CABP1: variants seen among roughly 807,000 people sequenced by gnomAD.
The protein encoded by CABP1 is calcium binding protein 1.
A neutral mutation model predicts 34.3 loss-of-function variants in CABP1; 17 were observed. That is an observed-to-expected ratio of 0.50 (90% CI 0.34 to 0.74). The LOEUF is 0.74. CABP1 is among the 30% of genes least tolerant of loss of function. CABP1 has a pLI of 0.01. For synonymous variants in CABP1, 198 were observed against 229.2 expected, an observed-to-expected ratio of 0.86 and a Z score of 1.23; for missense variants, 373 against 511.1, an observed-to-expected ratio of 0.73 and a Z score of 2.61.
the CABP1 span, among the ~76,000 whole-genome samples, chr12:120,677,380 G>A: frequency 1.4e-5 from 2 of 140,876 alleles, no homozygotes; most frequent in South Asian, 4.5e-4. Context: ...GAGCCACTAT[G>A]CCCAGCCTTC....
At position 120,641,319 on chromosome 12, in the gene CABP1, C is replaced by A; in HGVS notation, c.634C>A (p.Leu212Ile). The change falls in exon 1 of 6, where the codon CTC (leucine) becomes ATC (isoleucine). Residue 212 changes from leucine to isoleucine, a missense_variant. Physicochemically the swap from Leu to Ile is conservative, Grantham distance 5 (BLOSUM62 2). Coordinates refer to ENST00000316803, the MANE Select transcript of CABP1 (RefSeq NM_001033677.2). This position sits in a 1 kb window ranked among gnomAD's most constrained non-coding sequence, Gnocchi z 6.7. ...GTTCCTCCACCGGCTGCGCCCCATG[C>A]TCAGCTCCGCCTTTGGCCAGGTAAG... ...DPFLHRLRPM[L>I]SSAFGQDRSL... 7.5e-7 allele frequency: 1 copy of A among 1,326,550 alleles called. No individual in the cohort carries two copies. The highest frequency in any genetic ancestry group is 2.0e-5 in the South Asian group (1 of 49,396). The allele number at this position is 1,326,550 out of a possible 1,614,324, so 82.2% of individuals were successfully genotyped here.
At chr12:120,656,126 G>A (rs751335287) in intron 1 of CABP1, 9 of 1,614,072 alleles carry the variant, frequency 5.6e-6, no homozygotes, top group Non-Finnish European at 7.6e-6. Context: ...CTACATGGTG[G>A]TGCAGACGAG....
chr12:120,641,405 C>G lies in CABP1; in HGVS notation c.654+66C>G, dbSNP rs1034494790. 10 of 1,239,078 alleles carry G rather than the reference C, an allele frequency of 8.1e-6. No homozygotes were observed. The highest frequency in any genetic ancestry group is 1.0e-5 in the Non-Finnish European group (10 of 989,912). The allele number at this position is 1,239,078 out of a possible 1,614,324, so 76.8% of individuals were successfully genotyped here. ...CTCGGGACCCTGCCGGCCGCGGTTG[C>G]GCGTCCACAGCCTCCTCCCGCGGCC... On this transcript the variant is annotated intron_variant, in intron 1 of 5. Coordinates refer to ENST00000316803, the MANE Select transcript of CABP1 (RefSeq NM_001033677.2). This position sits in a 1 kb window ranked among gnomAD's most constrained non-coding sequence, Gnocchi z 6.7.
At chr12:120,669,603 A>G (rs1490700720), downstream of CABP1, among the ~76,000 whole-genome samples, 5 of 152,102 alleles carry the variant, frequency 3.3e-5, no homozygotes, top group Non-Finnish European at 5.9e-5. Flanking sequence ...AAAATACAAA[A>G]ATTAGCCAGG....
chr12:120,666,032 GAA>G (rs1391102886), intron 5 of CABP1, among the ~76,000 whole-genome samples: 2 of 132,380 alleles, frequency 1.5e-5, no homozygotes, highest in Non-Finnish European at 1.6e-5. Flanking sequence ...AAAAAAAAAA[GAA>G]AAGAGAGAGA....
the CABP1 span, among the ~76,000 whole-genome samples, chr12:120,677,190 C>T: frequency 6.8e-6 from 1 of 147,258 alleles, no homozygotes; most frequent in Non-Finnish European, 1.5e-5. Flanking sequence ...CGGGCTCAAG[C>T]GACTCTCCTG....
Position 120,660,753 on chromosome 12 carries a change from T to A in CABP1, c.852T>A (p.Asp284Glu), listed in dbSNP as rs751671065. Residue 284 changes from aspartate to glutamate, a missense_variant, in exon 4 of 6, where the codon GAT (aspartate) becomes GAA (glutamate). Around this residue, in one of 4 missense-constraint regions of CABP1, gnomAD observed 109 missense variants for 204.8 expected, o/e 0.53. Transcript: ENST00000316803. This position sits in a 1 kb window ranked among gnomAD's most constrained non-coding sequence, Gnocchi z 5.0. Reference sequence around the variant, plus strand: ...CAGTGGGTGGCCATGTAGATTTTGATGACTTCGTGGAGCTAATGGGGCCTA... The same window carrying A: ...CAGTGGGTGGCCATGTAGATTTTGAAGACTTCGTGGAGCTAATGGGGCCTA... ...NMNLGGHVDF[D>E]DFVELMGPKL... 62 of 1,613,688 alleles carry A rather than the reference T, an allele frequency of 3.8e-5. No homozygotes were observed. The Admixed American group carries it at 1.0e-3, about 26-fold the overall frequency.
downstream of CABP1, among the ~76,000 whole-genome samples, chr12:120,670,469 C>T (rs1490670223): frequency 2.6e-5 from 4 of 152,138 alleles, no homozygotes; most frequent in South Asian, 2.1e-4. Flanking sequence ...TGTCTAAGGC[C>T]GAGCGAGGTG....
At chr12:120,644,560 G>C (rs1285892364) in intron 1 of CABP1, among the ~76,000 whole-genome samples, 1 of 152,184 alleles carries the variant, frequency 6.6e-6, no homozygotes, top group African/African-American at 2.4e-5. Context: ...CAGGCTTTCT[G>C]CTCCTTACCC....
the CABP1 span, among the ~76,000 whole-genome samples, chr12:120,678,934 G>A: frequency 5.9e-4 from 90 of 151,974 alleles, 1 homozygote; most frequent in East Asian, 0.011. Flanking sequence ...GTAGCCAGGC[G>A]TGGTGGTGTA....
chr12:120,644,225 A>G (rs2137326949), intron 1 of CABP1, among the ~76,000 whole-genome samples: 1 of 152,360 alleles, frequency 6.6e-6, no homozygotes, highest in Non-Finnish European at 1.5e-5. Context: ...TGCAGTTATT[A>G]GGAGGCTTAC....
Position 120,660,977 on chromosome 12 carries a change from G to A in CABP1, c.940-94G>A, listed in dbSNP as rs1265767245. 1 of 1,466,170 alleles carries A rather than the reference G, an allele frequency of 6.8e-7. No individual in the cohort carries two copies. Among genetic ancestry groups the A allele is most frequent in the Non-Finnish European group, 9.4e-7 (1 of 1,064,712 alleles). The allele number at this position is 1,466,170 out of a possible 1,614,324, so 90.8% of individuals were successfully genotyped here. ...ACAGAGAAAGGTCTCTGGTAAAGGGGGGCAATGACACTGGAGAAGGAGCTC... is the reference window on the plus strand; with the variant it reads ...ACAGAGAAAGGTCTCTGGTAAAGGGAGGCAATGACACTGGAGAAGGAGCTC... On this transcript the variant is annotated intron_variant, in intron 4 of 5. Transcript: ENST00000316803. The surrounding 1 kb of genome is among the most constrained non-coding windows in gnomAD (Gnocchi z 5.0).
chr12:120,666,667 G>A (rs1477300137), intron 5 of CABP1, among the ~76,000 whole-genome samples: 1 of 152,094 alleles, frequency 6.6e-6, no homozygotes, highest in Non-Finnish European at 1.5e-5. Context: ...GATTTTTCCA[G>A]TGGAGAGCTG....
intron 1 of CABP1, among the ~76,000 whole-genome samples, chr12:120,658,481 G>A (rs1002477976): frequency 5.3e-5 from 8 of 152,060 alleles, no homozygotes; most frequent in Admixed American, 3.9e-4. Context: ...CCAGCCTGGC[G>A]GAGCTGGGAG....
At chr12:120,654,674 CAGGCCGAAGGCAGAGTG>C (rs1880058044) in intron 1 of CABP1, among the ~76,000 whole-genome samples, 1 of 151,380 alleles carries the variant, frequency 6.6e-6, no homozygotes, top group Non-Finnish European at 1.5e-5. Flanking sequence ...AGGCAGAGTG[CAGGCCGAAGGCAGAGTG>C]CAGGCCGAAG....
At chr12:120,657,990 C>T (rs1394248733) in intron 1 of CABP1, among the ~76,000 whole-genome samples, 1 of 151,992 alleles carries the variant, frequency 6.6e-6, no homozygotes, top group Non-Finnish European at 1.5e-5. Context: ...TGACCCATTG[C>T]ACAAAACATC....
downstream of CABP1, among the ~76,000 whole-genome samples, chr12:120,669,232 A>T (rs1881166021): frequency 6.6e-6 from 1 of 152,236 alleles, no homozygotes; most frequent in Admixed American, 6.5e-5. Flanking sequence ...GGTAATCCTC[A>T]CGTTCCCGAG....
At chr12:120,653,845 T>C (rs1276403403) in intron 1 of CABP1, among the ~76,000 whole-genome samples, 2 of 152,040 alleles carry the variant, frequency 1.3e-5, no homozygotes, top group Non-Finnish European at 2.9e-5. Flanking sequence ...CCTCTTGGAG[T>C]TCTGTGCCAC....
In CABP1 at chr12:120,661,234, A is replaced by C. The variant is rs942029499; in HGVS notation, c.1087+16A>C. On this transcript the variant is annotated intron_variant, in intron 5 of 5. Transcript: ENST00000316803. The surrounding 1 kb of genome is among the most constrained non-coding windows in gnomAD (Gnocchi z 5.1). ...GACTTTGAAGGTAGGTGGGGCTTGA[A>C]AGTGGGAGAGAAGCAAGCCAGCAGT... 2.6e-5 allele frequency: 41 copies of C among 1,600,460 alleles called. No individual in the cohort carries two copies. The highest frequency in any genetic ancestry group is 3.5e-5 in the Non-Finnish European group (41 of 1,178,222).
Sources: allele counts gnomAD v4.1 joint callset (sites outside exome capture counted in the v4.1 genomes callset), GRCh38; gene constraint gnomAD v4.1.1; regional missense constraint gnomAD v4.1.1; non-coding constraint Gnocchi (gnomAD v3.1); transcripts MANE v1.5; gene names NCBI Gene and HGNC (gene_info 2026-07-23, HGNC 2026-07-21).